GIGYF2: variants seen among roughly 807,000 people sequenced by gnomAD.
GIGYF2 encodes the protein GRB10-interacting GYF protein 2.
A neutral mutation model predicts 208.1 loss-of-function variants in GIGYF2; 25 were observed. That is an observed-to-expected ratio of 0.12 (90% CI 0.09 to 0.17). The LOEUF (loss-of-function observed/expected upper bound fraction) is 0.17, where lower values mean the gene tolerates loss of function less well. GIGYF2 is among the 10% of genes least tolerant of loss of function. The pLI, the probability that GIGYF2 is intolerant of heterozygous loss-of-function variation, is 1.00. For synonymous variants in GIGYF2, 534 were observed against 543.8 expected (o/e 0.98, Z 0.25); for missense variants, 1,302 against 1,579.4 (o/e 0.82, Z 2.98).
At chr2:232,800,560 C>T (rs1402664266) in intron 14 of GIGYF2, among the ~76,000 whole-genome samples, 2 of 151,490 alleles carry the variant, frequency 1.3e-5, no homozygotes, top group African/African-American at 2.4e-5. Context: ...AATGTGAGTC[C>T]TCCAGCTTTG....
intron 14 of GIGYF2, among the ~76,000 whole-genome samples, chr2:232,798,005 A>G (rs2106371327): frequency 7.1e-6 from 1 of 140,396 alleles, no homozygotes; most frequent in Non-Finnish European, 1.6e-5. Flanking sequence ...AAAAAAAAAA[A>G]AAGATTCAGA....
chr2:232,750,292 C>G (rs891433994), intron 5 of GIGYF2, among the ~76,000 whole-genome samples: 1 of 152,146 alleles, frequency 6.6e-6, no homozygotes, highest in East Asian at 1.9e-4. Flanking sequence ...GCACCTTGGA[C>G]ATGGCTGTAG....
chr2:232,752,411 A>G (rs1698367393), intron 5 of GIGYF2, among the ~76,000 whole-genome samples: 1 of 152,150 alleles, frequency 6.6e-6, no homozygotes, highest in South Asian at 2.1e-4. Context: ...ATACTGACAT[A>G]CTCATTCTCC....
At chr2:232,837,097 T>C (rs1701663361) in intron 22 of GIGYF2, among the ~76,000 whole-genome samples, 1 of 152,232 alleles carries the variant, frequency 6.6e-6, no homozygotes, top group Non-Finnish European at 1.5e-5. Context: ...GTGTTGGTGT[T>C]GCTGTGGTCA....
At chr2:232,845,702 A>C in intron 25 of GIGYF2, 30 bp from the exon 26 acceptor site, 3 of 1,551,898 alleles carry the variant, frequency 1.9e-6, no homozygotes, top group Non-Finnish European at 2.7e-6. Context: ...GTTTCTGGGA[A>C]TATAATATCA....
At chr2:232,745,643 A>G (rs1268875551) in intron 3 of GIGYF2, among the ~76,000 whole-genome samples, 1 of 152,218 alleles carries the variant, frequency 6.6e-6, no homozygotes, top group Non-Finnish European at 1.5e-5. Context: ...ACCAGGTAGT[A>G]TAAGAGGAAA....
chr2:232,827,484 A>G (rs1464626850), intron 21 of GIGYF2, among the ~76,000 whole-genome samples: 1 of 152,188 alleles, frequency 6.6e-6, no homozygotes, highest in Non-Finnish European at 1.5e-5. Context: ...TTGTTTTATC[A>G]GTGTTTGTAA....
rs112111259 is a variant in GIGYF2, at chr2:232,804,772, C to T, written c.1640-1719C>T. Among the ~76,000 whole-genome samples the T allele has an allele frequency of 5.7e-3, 875 of 152,224 alleles. 3 individuals carry two copies. Among genetic ancestry groups the T allele is most frequent in the African/African-American group, 0.02 (833 of 41,530 alleles). On this transcript the variant is annotated intron_variant, in intron 14 of 28. Coordinates refer to ENST00000373563, the MANE Select transcript of GIGYF2 (RefSeq NM_001103146.3). Reference sequence around the variant, plus strand: ...CCTCCTAAAATGCTGGAATTAGAGGCGTGAACTGCTGTGCTCAGCCTGTAT... The same window carrying T: ...CCTCCTAAAATGCTGGAATTAGAGGTGTGAACTGCTGTGCTCAGCCTGTAT...
intron 15 of GIGYF2, among the ~76,000 whole-genome samples, chr2:232,809,226 A>G (rs556500484): frequency 9.8e-5 from 15 of 152,294 alleles, no homozygotes; most frequent in Admixed American, 6.5e-4. Context: ...TACAGGTGTG[A>G]GCCACCACGC....
At chr2:232,713,883 T>A (rs1044345223) in intron 2 of GIGYF2, among the ~76,000 whole-genome samples, 1 of 152,232 alleles carries the variant, frequency 6.6e-6, no homozygotes, top group Non-Finnish European at 1.5e-5. Context: ...CTTCATACTT[T>A]GCTAGGTTTG....
rs1477696474 is a variant in GIGYF2 at position 232,844,557 on chromosome 2, AAAC to A, written c.3292_3294del (p.Asn1098del). ...CTAGGAATTCAACAAATAAAAATAAAAACAACGCCAGTCTCAGGTAGGGCTCAA... is the reference window on the plus strand; with the variant it reads ...CTAGGAATTCAACAAATAAAAATAAAAACGCCAGTCTCAGGTAGGGCTCAA... On this transcript the variant is annotated inframe_deletion, in exon 25 of 29. Transcript: ENST00000373563. 1.2e-6 allele frequency: 2 copies of A among 1,612,642 alleles called. No individual in the cohort carries two copies. Among genetic ancestry groups the A allele is most frequent in the South Asian group, 2.2e-5 (2 of 91,048 alleles).
chr2:232,727,646 A>G (rs573984723), intron 2 of GIGYF2, among the ~76,000 whole-genome samples: 2 of 152,196 alleles, frequency 1.3e-5, no homozygotes, highest in African/African-American at 2.4e-5. Context: ...TTTGGGCTAG[A>G]GATCTCTACC....
At chr2:232,823,835 A>G (rs775837553) in intron 21 of GIGYF2, among the ~76,000 whole-genome samples, 1 of 152,146 alleles carries the variant, frequency 6.6e-6, no homozygotes, top group Non-Finnish European at 1.5e-5. Context: ...CTTTGCACGT[A>G]TTTCATTTTT....
intron 22 of GIGYF2, among the ~76,000 whole-genome samples, chr2:232,833,418 C>T (rs1445230600): frequency 6.6e-6 from 1 of 152,178 alleles, no homozygotes; most frequent in Non-Finnish European, 1.5e-5. Context: ...GATGGTGTTT[C>T]ACCATGTTGC....
At chr2:232,799,977 T>G (rs1319160265) in intron 14 of GIGYF2, among the ~76,000 whole-genome samples, 1 of 152,106 alleles carries the variant, frequency 6.6e-6, no homozygotes, top group Non-Finnish European at 1.5e-5. Context: ...ATTGGGTTGT[T>G]AATTTTTTTG....
chr2:232,723,235 T>G (rs1465054665), intron 2 of GIGYF2, among the ~76,000 whole-genome samples: 2 of 152,224 alleles, frequency 1.3e-5, no homozygotes. Context: ...AGTTTTTGTT[T>G]CTGTTTGTTC....
intron 22 of GIGYF2, among the ~76,000 whole-genome samples, chr2:232,836,275 TA>T (rs1559160169): frequency 0.06 from 277 of 4,610 alleles, 44 homozygotes; most frequent in East Asian, 0.13. Flanking sequence ...TATATATATA[TA>T]TATATATATA....
chr2:232,748,927 T>C, intron 4 of GIGYF2, 60 bp from the exon 5 acceptor site: 1 of 816,582 alleles, frequency 1.2e-6, no homozygotes. Flanking sequence ...TTTATCTTCT[T>C]GTATTTCTTC....
intron 3 of GIGYF2, among the ~76,000 whole-genome samples, chr2:232,742,095 G>A (rs1359122063): frequency 6.6e-6 from 1 of 152,178 alleles, no homozygotes; most frequent in African/African-American, 2.4e-5. Flanking sequence ...CAGAAAGGAC[G>A]TGTGTGAACA....
Sources: allele counts gnomAD v4.1 joint callset (sites outside exome capture counted in the v4.1 genomes callset), GRCh38; gene constraint gnomAD v4.1.1; transcripts MANE v1.5; gene names NCBI Gene and HGNC (gene_info 2026-07-23, HGNC 2026-07-21).